The following EIF4ENIF1 variants were observed in gnomAD, a reference collection of about 807,000 sequenced individuals.
The protein encoded by EIF4ENIF1 is eukaryotic translation initiation factor 4E transporter.
Under a neutral mutation model 110.5 loss-of-function variants are expected in EIF4ENIF1, and 23 were observed. The ratio of observed to expected loss-of-function variants is 0.21; its 90% CI spans 0.15 to 0.29. The LOEUF is 0.29. Among genes scored for constraint, EIF4ENIF1 ranks in the 10% least tolerant of loss-of-function variants. EIF4ENIF1 has a pLI of 1.00. For missense variants in EIF4ENIF1, 1,031 were observed against 1,221.1 expected, an observed-to-expected ratio of 0.84 and a Z score of 2.32; for synonymous variants, 440 against 437.0, an observed-to-expected ratio of 1.01 and a Z score of -0.09.
intron 2 of EIF4ENIF1, among the ~76,000 whole-genome samples, chr22:31,477,390 A>AAAAAAAAG (rs1381135932): frequency 7.5e-6 from 1 of 133,654 alleles, no homozygotes; most frequent in South Asian, 2.4e-4. Context: ...AAAACAAAAA[A>AAAAAAAAG]AGAGAATTTG....
chr22:31,441,974 C>T lies in EIF4ENIF1; in HGVS notation c.2351G>A (p.Arg784Gln), dbSNP rs189890762. The change falls in exon 17 of 19, where the codon CGA becomes CAA. Residue 784 changes from arginine to glutamine, a missense_variant. Coordinates refer to ENST00000330125, the MANE Select transcript of EIF4ENIF1 (RefSeq NM_019843.4). The part of the protein sequence containing the change: ...ANRYTKEQDY[R>Q]PKATGRKTPT... ...TGTTTTTCTCCCAGTTGCTTTAGGT[C>T]GATAATCTTGTTCTTTGGTGTAACG... 5.9e-5 allele frequency: 95 copies of T among 1,613,994 alleles called. No individual in the cohort carries two copies. The highest frequency in any genetic ancestry group is 6.1e-5 in the Non-Finnish European group (72 of 1,180,018).
chr22:31,443,055 T>A lies in EIF4ENIF1; in HGVS notation c.2113A>T (p.Met705Leu). 10 of 1,614,150 alleles carry A rather than the reference T, an allele frequency of 6.2e-6. No homozygotes were observed. The highest frequency in any genetic ancestry group is 8.5e-6 in the Non-Finnish European group (10 of 1,180,032). The change falls in exon 16 of 19, where the codon ATG (methionine) becomes TTG (leucine). Residue 705 changes from methionine to leucine, a missense_variant. Coordinates refer to ENST00000330125, the MANE Select transcript of EIF4ENIF1 (RefSeq NM_019843.4). ...TTGCTTTTCTCTTTGCTCTCGTACA[T>A]CTTACGAATCACTGAGGTAGGGGTA... ...SFTPTSVIRK[M>L]YESKEKSKEE...
intron 15 of EIF4ENIF1, 118 bp downstream of exon 15, chr22:31,444,488 G>C (rs59416609): frequency 0.017 from 15,420 of 926,984 alleles, 614 homozygotes; most frequent in Admixed American, 0.1. Flanking sequence ...AAAACTACTA[G>C]GTCAGTTATT....
upstream of EIF4ENIF1, among the ~76,000 whole-genome samples, chr22:31,490,689 G>A (rs1366945637): frequency 6.6e-6 from 1 of 152,204 alleles, no homozygotes; most frequent in African/African-American, 2.4e-5. Context: ...GGGGGCCACA[G>A]AAATGCAAAT....
chr22:31,477,217 AG>A, intron 2 of EIF4ENIF1, among the ~76,000 whole-genome samples: 2 of 152,024 alleles, frequency 1.3e-5, no homozygotes, highest in Non-Finnish European at 2.9e-5. Flanking sequence ...TTAAAAAATT[AG>A]CTGGGTATGA....
chr22:31,441,502 T>C (rs2050294592), intron 17 of EIF4ENIF1, among the ~76,000 whole-genome samples: 1 of 137,800 alleles, frequency 7.3e-6, no homozygotes, highest in African/African-American at 2.8e-5. Flanking sequence ...ATTGCGCCAC[T>C]GCACTCCAGC....
intron 2 of EIF4ENIF1, among the ~76,000 whole-genome samples, chr22:31,484,809 G>A (rs1235572302): frequency 6.6e-6 from 1 of 152,204 alleles, no homozygotes; most frequent in Non-Finnish European, 1.5e-5. Context: ...TCCAGCCTGG[G>A]CAACAAGAGT....
At chr22:31,486,677 GCTGATGCAGGATAATCA>G (rs1443685409) in intron 2 of EIF4ENIF1, among the ~76,000 whole-genome samples, 1 of 152,224 alleles carries the variant, frequency 6.6e-6, no homozygotes, top group Non-Finnish European at 1.5e-5. Flanking sequence ...TACTTGGGAG[GCTGATGCAGGATAATCA>G]CTTGAACCCA....
At chr22:31,450,650 TG>T (rs1411422300) in intron 10 of EIF4ENIF1, 6 of 323,742 alleles carry the variant, frequency 1.9e-5, no homozygotes, top group Non-Finnish European at 3.0e-5. Flanking sequence ...GGGGGAAAAA[TG>T]GTGAAACCGG....
intron 10 of EIF4ENIF1, 118 bp from the exon 11 acceptor site, chr22:31,450,478 C>T: frequency 1.4e-6 from 1 of 736,834 alleles, no homozygotes; most frequent in South Asian, 1.6e-5. Context: ...GAATGATACT[C>T]AAGTCACAGA....
At chr22:31,461,089 T>TTGAG (rs2050978845) in intron 6 of EIF4ENIF1, among the ~76,000 whole-genome samples, 1 of 152,198 alleles carries the variant, frequency 6.6e-6, no homozygotes, top group African/African-American at 2.4e-5. Context: ...TTCTGATGGG[T>TTGAG]ACATGTGTTC....
chr22:31,442,915 T>G, intron 16 of EIF4ENIF1, 47 bp downstream of exon 16: 1 of 1,605,266 alleles, frequency 6.2e-7, no homozygotes, highest in Non-Finnish European at 8.5e-7. Flanking sequence ...CCATGTTTTC[T>G]CCATCACATA....
At chr22:31,470,966 C>T (rs1343818572) in intron 3 of EIF4ENIF1, among the ~76,000 whole-genome samples, 4 of 149,770 alleles carry the variant, frequency 2.7e-5, no homozygotes, top group South Asian at 4.2e-4. Context: ...GAGCCCAGAT[C>T]GCGCCAATGC....
At chr22:31,439,168 A>AAGTT (rs1268066960), downstream of EIF4ENIF1, among the ~76,000 whole-genome samples, 30 of 152,200 alleles carry the variant, frequency 2.0e-4, no homozygotes, top group Admixed American at 5.2e-4. Context: ...AATAAGAAAA[A>AAGTT]AGTTAGTGGC....
At chr22:31,470,152 G>A (rs1160888918) in intron 3 of EIF4ENIF1, among the ~76,000 whole-genome samples, 2 of 103,410 alleles carry the variant, frequency 1.9e-5, no homozygotes, top group African/African-American at 3.9e-5. Flanking sequence ...CAACAAGAGC[G>A]AAACTCCACC....
chr22:31,443,031 T>C lies in EIF4ENIF1; in HGVS notation c.2137A>G (p.Lys713Glu). 6.2e-7 allele frequency: 1 copy of C among 1,614,210 alleles called. No individual in the cohort carries two copies. Among genetic ancestry groups the C allele is most frequent in the South Asian group, 1.1e-5 (1 of 91,084 alleles). The part of the protein sequence containing the change: ...RKMYESKEKS[K>E]EEPASGKAAL... The stretch of plus-strand genomic sequence containing the variant: ...GCTTTTCCAGATGCTGGCTCCTCCT[T>C]GCTTTTCTCTTTGCTCTCGTACATC... Residue 713 changes from lysine to glutamate, a missense_variant, in exon 16 of 19, where the codon AAG becomes GAG. This residue lies in a region of EIF4ENIF1 where 309 missense variants were observed against 299.1 expected (regional missense o/e 1.03). Coordinates refer to ENST00000330125, the MANE Select transcript of EIF4ENIF1 (RefSeq NM_019843.4).
chr22:31,461,169 C>T (rs1332569170), intron 6 of EIF4ENIF1, among the ~76,000 whole-genome samples: 1 of 152,166 alleles, frequency 6.6e-6, no homozygotes, highest in African/African-American at 2.4e-5. Flanking sequence ...ACAGGCCCAG[C>T]TGTCAAAATT....
At chr22:31,456,350 A>C (rs1464807455) in intron 7 of EIF4ENIF1, among the ~76,000 whole-genome samples, 1 of 150,870 alleles carries the variant, frequency 6.6e-6, no homozygotes, top group Admixed American at 6.6e-5. Flanking sequence ...CAGCCTCCTG[A>C]GTAGCTGGGA....
At chr22:31,450,734 ACACACACT>A (rs1005292091) in intron 10 of EIF4ENIF1, 28 of 283,654 alleles carry the variant, frequency 9.9e-5, no homozygotes, top group East Asian at 6.6e-4. Context: ...ACACACACAC[ACACACACT>A]CATATATACA....
Sources: allele counts gnomAD v4.1 joint callset (sites outside exome capture counted in the v4.1 genomes callset), GRCh38; gene constraint gnomAD v4.1.1; regional missense constraint gnomAD v4.1.1; transcripts MANE v1.5; gene names NCBI Gene and HGNC (gene_info 2026-07-23, HGNC 2026-07-21).